The following SPATS2 variants were observed in gnomAD, a reference collection of about 807,000 sequenced individuals.
The protein encoded by SPATS2 is spermatogenesis associated serine rich 2, also known as spermatogenesis-associated serine-rich protein 2.
A neutral mutation model predicts 63.7 loss-of-function variants in SPATS2; 38 were observed. The ratio of observed to expected loss-of-function variants is 0.60; its 90% confidence interval spans 0.46 to 0.78. The LOEUF is 0.78. Among genes scored for constraint, SPATS2 ranks in the 30% least tolerant of loss-of-function variants. The pLI is 0.00. For synonymous variants in SPATS2, 207 were observed against 232.9 expected (o/e 0.89, Z 1.01); for missense variants, 588 against 666.2 (o/e 0.88, Z 1.29).
intron 9 of SPATS2, chr12:49,512,740 G>A: frequency 4.0e-6 from 2 of 495,402 alleles, no homozygotes; most frequent in South Asian, 4.4e-5. Flanking sequence ...AGAGAAAAAG[G>A]ATTTGTCATC....
At chr12:49,381,322 T>C (rs888722879) in intron 2 of SPATS2, among the ~76,000 whole-genome samples, 1 of 152,196 alleles carries the variant, frequency 6.6e-6, no homozygotes, top group African/African-American at 2.4e-5. Context: ...CAATAACTAT[T>C]AGCTAATACT....
intron 2 of SPATS2, among the ~76,000 whole-genome samples, chr12:49,439,731 C>T (rs1437359092): frequency 1.3e-5 from 2 of 152,306 alleles, no homozygotes; most frequent in South Asian, 2.1e-4. Context: ...CCCACCTTAG[C>T]AGTCATCCCT....
At chr12:49,419,721 A>T (rs1028829762) in intron 2 of SPATS2, among the ~76,000 whole-genome samples, 5 of 152,216 alleles carry the variant, frequency 3.3e-5, no homozygotes, top group African/African-American at 1.2e-4. Context: ...ATATTTGCTT[A>T]TTCTATCCTT....
chr12:49,410,791 T>A (rs1227463968), intron 2 of SPATS2, among the ~76,000 whole-genome samples: 1 of 152,162 alleles, frequency 6.6e-6, no homozygotes, highest in Non-Finnish European at 1.5e-5. Context: ...AGGAATTTTT[T>A]TTTTTTTTGG....
chr12:49,516,187 ATATATATATATAT>A lies in SPATS2; in HGVS notation c.898+1575_898+1587del, dbSNP rs1565760895. Among the ~76,000 whole-genome samples, 68 of 103,514 alleles carry A rather than the reference ATATATATATATAT, an allele frequency of 6.6e-4. 7 individuals carry two copies. Among genetic ancestry groups the A allele is most frequent in the African/African-American group, 1.9e-3 (55 of 29,344 alleles). The allele number at this position is 103,514 out of a possible 152,430, so 67.9% of individuals were successfully genotyped here. A position where few individuals can be genotyped will look rare whatever the true frequency, so the allele number is the denominator to read the frequency against. On this transcript the variant is annotated intron_variant, in intron 10 of 13. Coordinates refer to ENST00000552918, the MANE Select transcript of SPATS2 (RefSeq NM_023071.4). The stretch of plus-strand genomic sequence containing the variant: ...AAAAAATATATATATATATATATAT[ATATATATATATAT>A]ATATATATAAATCAGGCATGGGGTC...
chr12:49,426,205 CT>C (rs1218019445), intron 2 of SPATS2, among the ~76,000 whole-genome samples: 124 of 146,018 alleles, frequency 8.5e-4, no homozygotes, highest in Admixed American at 8.2e-4. Flanking sequence ...TTTTGGTAAA[CT>C]TTTTTTTTTT....
intron 2 of SPATS2, among the ~76,000 whole-genome samples, chr12:49,430,200 A>G (rs1221043326): frequency 6.8e-6 from 1 of 147,218 alleles, no homozygotes; most frequent in African/African-American, 2.6e-5. Context: ...TCCCAGGTTC[A>G]AGCAGTTCTC....
chr12:49,439,069 A>T (rs1446916088), intron 2 of SPATS2, among the ~76,000 whole-genome samples: 1 of 152,228 alleles, frequency 6.6e-6, no homozygotes. Context: ...TGTATGTAGG[A>T]TGATTAGAGA....
At position 49,460,959 on chromosome 12, in the gene SPATS2, G is replaced by C; in HGVS notation, c.-54G>C. The C allele has an allele frequency of 6.2e-7, 1 of 1,607,858 alleles. No individual in the cohort carries two copies. The highest frequency in any genetic ancestry group is 1.1e-5 in the South Asian group (1 of 90,312). Reference sequence around the variant, plus strand: ...CAGAGATACCTACACTCAAAACCCAGACAAGGCAAAAGGATACTTTTCTTG... The same window carrying C: ...CAGAGATACCTACACTCAAAACCCACACAAGGCAAAAGGATACTTTTCTTG... On this transcript the variant is annotated 5_prime_UTR_variant, in exon 3 of 14. Transcript: ENST00000552918.
At chr12:49,392,236 ATT>A (rs201304114) in intron 2 of SPATS2, among the ~76,000 whole-genome samples, 2 of 139,984 alleles carry the variant, frequency 1.4e-5, no homozygotes, top group Admixed American at 7.1e-5. Flanking sequence ...TTTCCATCCT[ATT>A]TTTTTTTTTT....
chr12:49,519,000 A>G lies in SPATS2; in HGVS notation c.899-73A>G, dbSNP rs115691286. On this transcript the variant is annotated intron_variant, in intron 10 of 13. Transcript: ENST00000552918. ...TTTGGCTGACCAAATACCTACTGCA[A>G]GGCTTATATTTCTAGTTCTTCTTTA... 2,851 of 1,249,952 alleles carry G rather than the reference A, an allele frequency of 2.3e-3. 49 individuals are homozygous for G. The African/African-American group carries it at 0.037, about 16-fold the overall frequency. The allele number at this position is 1,249,952 out of a possible 1,614,324, so 77.4% of individuals were successfully genotyped here.
chr12:49,458,383 G>A (rs903331443), intron 2 of SPATS2, among the ~76,000 whole-genome samples: 7 of 151,972 alleles, frequency 4.6e-5, no homozygotes, highest in Admixed American at 6.6e-5. Flanking sequence ...CAGGTTAATC[G>A]TTTGAACCCA....
intron 2 of SPATS2, among the ~76,000 whole-genome samples, chr12:49,406,266 C>T (rs944852295): frequency 6.6e-6 from 1 of 151,130 alleles, no homozygotes; most frequent in African/African-American, 2.4e-5. Flanking sequence ...AATGCTAGAT[C>T]TTTCTAGTTT....
At chr12:49,426,463 A>G (rs1945078229) in intron 2 of SPATS2, among the ~76,000 whole-genome samples, 1 of 152,116 alleles carries the variant, frequency 6.6e-6, no homozygotes, top group Non-Finnish European at 1.5e-5. Context: ...AGCATGCACT[A>G]TTTTGCACCT....
chr12:49,429,222 C>T (rs1323583996), intron 2 of SPATS2, among the ~76,000 whole-genome samples: 3 of 151,934 alleles, frequency 2.0e-5, no homozygotes, highest in African/African-American at 4.8e-5. Context: ...TTTTAAATTT[C>T]CAGAAATTCT....
At chr12:49,397,242 G>T (rs1026442817) in intron 2 of SPATS2, among the ~76,000 whole-genome samples, 10 of 152,080 alleles carry the variant, frequency 6.6e-5, no homozygotes. Context: ...TCTCCCTGTG[G>T]ATATCATAGC....
At chr12:49,414,354 A>G (rs1944848634) in intron 2 of SPATS2, among the ~76,000 whole-genome samples, 1 of 152,142 alleles carries the variant, frequency 6.6e-6, no homozygotes, top group South Asian at 2.1e-4. Context: ...ACAATCTATG[A>G]GGTACCACCT....
chr12:49,492,510 C>T (rs1946400457), intron 6 of SPATS2, among the ~76,000 whole-genome samples: 1 of 152,176 alleles, frequency 6.6e-6, no homozygotes, highest in Non-Finnish European at 1.5e-5. Flanking sequence ...GCATGAGCCA[C>T]TGCACCCAGC....
chr12:49,393,756 CTT>C (rs909198307), intron 2 of SPATS2, among the ~76,000 whole-genome samples: 1 of 152,160 alleles, frequency 6.6e-6, no homozygotes, highest in Non-Finnish European at 1.5e-5. Context: ...CCCCAGTAGT[CTT>C]TGATAGCTTT....
Sources: allele counts gnomAD v4.1 joint callset (sites outside exome capture counted in the v4.1 genomes callset), GRCh38; gene constraint gnomAD v4.1.1; transcripts MANE v1.5; gene names NCBI Gene and HGNC (gene_info 2026-07-23, HGNC 2026-07-21).